The following FRAS1 variants were observed in gnomAD, a reference collection of about 807,000 sequenced individuals.
FRAS1 encodes extracellular matrix organizing protein FRAS1.
A neutral mutation model predicts 435.2 loss-of-function variants in FRAS1; 290 were observed. The observed-to-expected ratio is 0.67, with a 90% CI of 0.61 to 0.73. The LOEUF (loss-of-function observed/expected upper bound fraction) is 0.73. Among genes scored for constraint, FRAS1 ranks in the 30% least tolerant of loss-of-function variants. FRAS1 has a pLI of 0.00. For synonymous variants in FRAS1, 1,800 were observed against 1,851.0 expected (o/e 0.97, Z 0.71); for missense variants, 4,860 against 5,001.5 (o/e 0.97, Z 0.85).
chr4:78,210,223 C>A (rs1723446054), intron 2 of FRAS1, among the ~76,000 whole-genome samples: 3 of 152,182 alleles, frequency 2.0e-5, no homozygotes, highest in Admixed American at 2.0e-4. Context: ...CTAATAGCTT[C>A]CAAGACTTAA....
rs1416083067 is a variant in FRAS1, at chr4:78,348,152, G to A, written c.2422+10335G>A. Among the ~76,000 whole-genome samples, 4 of 41,890 alleles carry A rather than the reference G, an allele frequency of 9.5e-5. 2 individuals are homozygous for A. Among genetic ancestry groups the A allele is most frequent in the Non-Finnish European group, 8.8e-5 (2 of 22,732 alleles). The allele number at this position is 41,890 out of a possible 152,430, so 27.5% of individuals were successfully genotyped here. A position where few individuals can be genotyped will look rare whatever the true frequency, so the allele number is the denominator to read the frequency against. On this transcript the variant is annotated intron_variant, in intron 20 of 73. Transcript: ENST00000512123. ...TGTGTGTGCGCACTGTGCGCGAGCC[G>A]AAGCAGGGCGAGGCATTGCCTCACC...
intron 70 of FRAS1, among the ~76,000 whole-genome samples, chr4:78,531,134 T>C (rs1721698158): frequency 6.6e-6 from 1 of 152,222 alleles, no homozygotes; most frequent in Non-Finnish European, 1.5e-5. Context: ...GATTTGGCTC[T>C]CTGTTTGTCT....
At chr4:78,517,444 A>G (rs1351834071) in intron 66 of FRAS1, among the ~76,000 whole-genome samples, 2 of 152,260 alleles carry the variant, frequency 1.3e-5, no homozygotes, top group African/African-American at 4.8e-5. Context: ...TTAAAAACTC[A>G]AAGACAAGGA....
At chr4:78,091,900 T>A (rs1741543317) in intron 2 of FRAS1, among the ~76,000 whole-genome samples, 1 of 139,112 alleles carries the variant, frequency 7.2e-6, no homozygotes, top group African/African-American at 2.7e-5. Context: ...TAATCCCAGC[T>A]ACTTAGGAGG....
chr4:78,085,460 A>G (rs1560512733), intron 2 of FRAS1, among the ~76,000 whole-genome samples: 1 of 152,140 alleles, frequency 6.6e-6, no homozygotes. Flanking sequence ...GAATCAATCA[A>G]TACTGATGTT....
chr4:78,370,209 G>A (rs1316621393), intron 23 of FRAS1, among the ~76,000 whole-genome samples: 7 of 152,134 alleles, frequency 4.6e-5, no homozygotes, highest in East Asian at 1.9e-4. Context: ...GTTGTGCCAC[G>A]TCTTGATAAC....
chr4:78,517,275 G>A (rs956823617), intron 66 of FRAS1, among the ~76,000 whole-genome samples: 10 of 152,094 alleles, frequency 6.6e-5, no homozygotes, highest in Admixed American at 1.3e-4. Context: ...ATTTTAAGGC[G>A]TTCATCGGTT....
At chr4:78,213,250 A>G (rs1473862780) in intron 2 of FRAS1, among the ~76,000 whole-genome samples, 1 of 152,218 alleles carries the variant, frequency 6.6e-6, no homozygotes, top group African/African-American at 2.4e-5. Flanking sequence ...ACATCCCTCA[A>G]GGTTGCATGA....
In FRAS1 at chr4:78,466,383, C is replaced by T; in HGVS notation, c.7205C>T (p.Thr2402Ile). The T allele has an allele frequency of 6.2e-7, 1 of 1,613,990 alleles. No individual in the cohort carries two copies. The highest frequency in any genetic ancestry group is 8.5e-7 in the Non-Finnish European group (1 of 1,179,866). ...SNSLKDRFTF[T>I]VSDGTNPFFI... ...TCCCTCAAGGACCGGTTCACCTTCA[C>T]TGTTTCTGATGGGACAAACCCCTTC... Residue 2402 changes from threonine to isoleucine, a missense_variant, in exon 50 of 74, where the codon ACT (threonine) becomes ATT (isoleucine). Transcript: ENST00000512123.
intron 2 of FRAS1, among the ~76,000 whole-genome samples, chr4:78,149,717 A>G (rs1353136818): frequency 6.6e-6 from 1 of 152,152 alleles, no homozygotes; most frequent in African/African-American, 2.4e-5. Context: ...TTTCTCATAT[A>G]CTTTCCTCTC....
intron 58 of FRAS1, among the ~76,000 whole-genome samples, chr4:78,483,799 A>ATATATATATACATATATAT (rs1560753038): frequency 1.5e-5 from 1 of 67,464 alleles, no homozygotes; most frequent in African/African-American, 4.1e-5. Context: ...TATATATATA[A>ATATATATATACATATATAT]AATTATGTAT....
chr4:78,172,792 A>G (rs1721613856), intron 2 of FRAS1, among the ~76,000 whole-genome samples: 1 of 151,926 alleles, frequency 6.6e-6, no homozygotes, highest in Non-Finnish European at 1.5e-5. Flanking sequence ...TAATTTTATT[A>G]GCCTGAAGAA....
chr4:78,262,485 A>G (rs1255991220), intron 6 of FRAS1, among the ~76,000 whole-genome samples: 2 of 152,134 alleles, frequency 1.3e-5, no homozygotes, highest in African/African-American at 2.4e-5. Context: ...TTGGGAAGAG[A>G]TGATGGTTCT....
chr4:78,166,108 C>T (rs1224942513), intron 2 of FRAS1, among the ~76,000 whole-genome samples: 1 of 152,128 alleles, frequency 6.6e-6, no homozygotes, highest in Non-Finnish European at 1.5e-5. Flanking sequence ...AAATACCTAC[C>T]AGTGTACTTT....
chr4:78,446,233 A>G (rs1718824707), intron 42 of FRAS1: 1 of 996,150 alleles, frequency 1.0e-6, no homozygotes, highest in Admixed American at 5.9e-5. Context: ...TGGGAAAATA[A>G]AATGTAAAGA....
chr4:78,085,902 A>G (rs1453324784), intron 2 of FRAS1, among the ~76,000 whole-genome samples: 1 of 152,168 alleles, frequency 6.6e-6, no homozygotes, highest in Non-Finnish European at 1.5e-5. Context: ...CAGGAATTGA[A>G]CTCAGCTCTG....
At position 78,447,924 on chromosome 4, in the gene FRAS1, A is replaced by G. The variant is rs114594877; in HGVS notation, c.6011-129A>G. The G allele has an allele frequency of 7.5e-3, 5,721 of 767,366 alleles. 229 individuals carry two copies. In the African/African-American group the frequency reaches 0.088, roughly 12 times the overall value. 47.5% of individuals were successfully genotyped at this position (767,366 alleles called of 1,614,324 possible). A position where few individuals can be genotyped will look rare whatever the true frequency, so the allele number is the denominator to read the frequency against. The stretch of plus-strand genomic sequence containing the variant: ...ATATGTAAAATGCTAAGCTGTTGGC[A>G]CCAAGAGCCTCTGAGGCACTTGACA... On this transcript the variant is annotated intron_variant, in intron 43 of 73. Transcript: ENST00000512123.
intron 56 of FRAS1, 91 bp from the exon 57 acceptor site, chr4:78,481,713 C>T: frequency 1.4e-6 from 2 of 1,406,160 alleles, no homozygotes; most frequent in South Asian, 1.2e-5. Flanking sequence ...AAAGCTGCCA[C>T]TATTGCAGTG....
At chr4:78,267,058 A>G (rs1578216170) in intron 8 of FRAS1, 123 bp downstream of exon 8, 1 of 910,580 alleles carries the variant, frequency 1.1e-6, no homozygotes, top group Non-Finnish European at 1.7e-6. Context: ...AAAGTTACAT[A>G]AAGATATGAA....
Sources: gnomAD v4.1 joint callset for allele counts (sites outside exome capture counted in the v4.1 genomes callset) on GRCh38, gnomAD v4.1.1 for gene constraint, MANE v1.5 for transcripts, NCBI Gene and HGNC (gene_info 2026-07-23, HGNC 2026-07-21) for gene names.